The following SLC44A1 variants were observed in gnomAD, a reference collection of about 807,000 sequenced individuals.
SLC44A1 encodes the protein solute carrier family 44 member 1.
A neutral mutation model predicts 79.3 loss-of-function variants in SLC44A1; 26 were observed. That is an observed-to-expected ratio of 0.33 (90% CI 0.24 to 0.46). The LOEUF (loss-of-function observed/expected upper bound fraction) is 0.46, where lower values mean the gene tolerates loss of function less well. Ranked by LOEUF, SLC44A1 falls within the 20% of genes least tolerant of loss-of-function variation. The pLI is 1.00. For synonymous variants in SLC44A1, 263 were observed against 286.2 expected, an observed-to-expected ratio of 0.92 and a Z score of 0.82; for missense variants, 688 against 798.1, an observed-to-expected ratio of 0.86 and a Z score of 1.66.
At chr9:105,314,409 A>G (rs1187559253) in intron 3 of SLC44A1, among the ~76,000 whole-genome samples, 1 of 152,226 alleles carries the variant, frequency 6.6e-6, no homozygotes, top group Non-Finnish European at 1.5e-5. Context: ...GTATTAAGTC[A>G]TTATTAGAAC....
At chr9:105,299,171 T>G in intron 1 of SLC44A1, 49 bp from the exon 2 acceptor site, 1 of 1,389,618 alleles carries the variant, frequency 7.2e-7, no homozygotes, top group East Asian at 2.4e-5. Context: ...CCTTCTAACT[T>G]TAACTAAACT....
At chr9:105,360,892 A>G (rs1024848286) in intron 7 of SLC44A1, among the ~76,000 whole-genome samples, 2 of 152,154 alleles carry the variant, frequency 1.3e-5, no homozygotes, top group Non-Finnish European at 2.9e-5. Flanking sequence ...AATTCCTGTC[A>G]GGGGTGTATG....
At chr9:105,333,809 C>CA (rs113936952) in intron 3 of SLC44A1, among the ~76,000 whole-genome samples, 4,226 of 133,042 alleles carry the variant, frequency 0.032, 59 homozygotes, top group Middle Eastern at 0.071. Context: ...AACTCCATCT[C>CA]AAAAAAAAAA....
At position 105,411,727 on chromosome 9, in the gene SLC44A1, T is replaced by G. The variant is rs185684569; in HGVS notation, c.1950+26225T>G. ...TCTAGAATGACCTTCAATTTCGGTT[T>G]GTCTAAAGCTTCCTCATGATTAGAT... On this transcript the variant is annotated intron_variant, in intron 15 of 15. Coordinates refer to the SLC44A1 transcript ENST00000374724. Among the ~76,000 whole-genome samples, 192 of 152,298 alleles carry G rather than the reference T, an allele frequency of 1.3e-3. 1 individual carries two copies. Among genetic ancestry groups the G allele is most frequent in the African/African-American group, 4.5e-3 (185 of 41,560 alleles).
chr9:105,296,779 C>A (rs950364905), intron 1 of SLC44A1, among the ~76,000 whole-genome samples: 1 of 152,092 alleles, frequency 6.6e-6, no homozygotes, highest in African/African-American at 2.4e-5. Flanking sequence ...AAATACAGAC[C>A]ACAATACAGG....
chr9:105,402,094 A>C (rs1828966123), downstream of SLC44A1, among the ~76,000 whole-genome samples: 1 of 152,194 alleles, frequency 6.6e-6, no homozygotes, highest in African/African-American at 2.4e-5. Context: ...CAGAGCAAAG[A>C]AGATGTGCGT....
At chr9:105,379,467 A>G (rs1828395064) in intron 13 of SLC44A1, among the ~76,000 whole-genome samples, 2 of 152,112 alleles carry the variant, frequency 1.3e-5, no homozygotes, top group South Asian at 4.1e-4. Flanking sequence ...GTTTTACAAG[A>G]TGTTATCATT....
intron 3 of SLC44A1, among the ~76,000 whole-genome samples, chr9:105,325,514 C>T (rs1362078361): frequency 6.6e-6 from 1 of 152,192 alleles, no homozygotes; most frequent in Non-Finnish European, 1.5e-5. Flanking sequence ...GGTGGGGACT[C>T]TGTGCAGAGT....
Position 105,244,734 on chromosome 9 carries a change from G to A in SLC44A1, c.-135G>A, listed in dbSNP as rs1294274390. 4 of 386,118 alleles carry A rather than the reference G, an allele frequency of 1.0e-5. No individual in the cohort carries two copies. The highest frequency in any genetic ancestry group is 1.1e-4 in the South Asian group (1 of 8,732). The allele number at this position is 386,118 out of a possible 1,614,324, so 23.9% of individuals were successfully genotyped here. A position where few individuals can be genotyped will look rare whatever the true frequency, so the allele number is the denominator to read the frequency against. On this transcript the variant is annotated 5_prime_UTR_variant, in exon 1 of 16. Transcript: ENST00000374720. ...CGCCGCCTCTTGAGTACCAGCCGCC[G>A]CTGCAGCCGCCGCCGCCGCCTAGCC...
chr9:105,403,384 TG>T (rs371764454), intron 15 of SLC44A1, among the ~76,000 whole-genome samples: 1 of 152,170 alleles, frequency 6.6e-6, no homozygotes, highest in African/African-American at 2.4e-5. Context: ...GATGCTAAGC[TG>T]GGGAAGTCCC....
chr9:105,248,966 T>G (rs1056663409), intron 1 of SLC44A1, among the ~76,000 whole-genome samples: 27 of 152,276 alleles, frequency 1.8e-4, no homozygotes, highest in African/African-American at 5.5e-4. Flanking sequence ...GGCCAGGAGA[T>G]TTTGCAAGTT....
chr9:105,357,870 TTGAC>T (rs1269778003), intron 6 of SLC44A1, among the ~76,000 whole-genome samples: 1 of 152,354 alleles, frequency 6.6e-6, no homozygotes, highest in East Asian at 1.9e-4. Flanking sequence ...ATTTAGCTTC[TTGAC>T]TGACTGTCAG....
chr9:105,366,938 CTTTT>C (rs35710961), intron 12 of SLC44A1, among the ~76,000 whole-genome samples: 1 of 145,548 alleles, frequency 6.9e-6, no homozygotes. Context: ...TATGCTGATA[CTTTT>C]TTTTTTTTTG....
At chr9:105,345,514 A>G (rs1251480998) in intron 4 of SLC44A1, among the ~76,000 whole-genome samples, 4 of 152,212 alleles carry the variant, frequency 2.6e-5, no homozygotes, top group Non-Finnish European at 5.9e-5. Context: ...TGGCAGCTTA[A>G]GGGGCAAAGA....
intron 3 of SLC44A1, among the ~76,000 whole-genome samples, chr9:105,314,188 T>C (rs1163946069): frequency 6.6e-6 from 1 of 152,132 alleles, no homozygotes; most frequent in Non-Finnish European, 1.5e-5. Context: ...TGGACTGAGC[T>C]GGGACAAAAG....
intron 15 of SLC44A1, among the ~76,000 whole-genome samples, chr9:105,388,570 T>C (rs988676727): frequency 6.6e-6 from 1 of 152,252 alleles, no homozygotes; most frequent in African/African-American, 2.4e-5. Context: ...AGCAGATCAT[T>C]GAACTAAACA....
intron 1 of SLC44A1, among the ~76,000 whole-genome samples, chr9:105,253,869 A>G (rs901580320): frequency 2.0e-5 from 3 of 151,948 alleles, no homozygotes; most frequent in African/African-American, 7.3e-5. Flanking sequence ...GACTACAGGT[A>G]CCCGCCACCA....
rs1828657543 is a variant in SLC44A1, at chr9:105,387,182, T to G, written c.1950+1680T>G. 2.0e-5 allele frequency among the ~76,000 whole-genome samples: 3 copies of G among 150,652 alleles called. No individual in the cohort carries two copies. In the East Asian group the frequency reaches 5.8e-4, roughly 29 times the overall value. ...AAACTAATCGCATATTCAACCTAAG[T>G]TAAAGCCTCAATAAAATATTTAGAT... On this transcript the variant is annotated intron_variant, in intron 15 of 15. Coordinates refer to ENST00000374720, the MANE Select transcript of SLC44A1 (RefSeq NM_080546.5).
chr9:105,435,042 A>AG (rs1829446174), intron 15 of SLC44A1, among the ~76,000 whole-genome samples: 1 of 152,052 alleles, frequency 6.6e-6, no homozygotes, highest in Non-Finnish European at 1.5e-5. Context: ...AGCTACTCAG[A>AG]AGGCTGAGGT....
Sources: allele counts gnomAD v4.1 joint callset (sites outside exome capture counted in the v4.1 genomes callset), GRCh38; gene constraint gnomAD v4.1.1; transcripts MANE v1.5; gene names NCBI Gene and HGNC (gene_info 2026-07-23, HGNC 2026-07-21).